The following PALM2AKAP2 variants were observed in gnomAD, a reference collection of about 807,000 sequenced individuals.
PALM2AKAP2 encodes PALM2 and AKAP2 fusion, also known as PALM2-AKAP2 fusion protein.
In PALM2AKAP2, 37 loss-of-function variants were observed where a neutral mutation model predicts 71.5. The ratio of observed to expected loss-of-function variants is 0.52; its 90% confidence interval spans 0.40 to 0.68. PALM2AKAP2 has a LOEUF of 0.68. Ranked by LOEUF, PALM2AKAP2 falls within the 30% of genes least tolerant of loss-of-function variation. The pLI is 0.00. For missense variants in PALM2AKAP2, 1,224 were observed against 1,191.8 expected (o/e 1.03, Z -0.40); for synonymous variants, 468 against 478.8 (o/e 0.98, Z 0.29).
chr9:110,066,440 T>TA (rs1834080807), intron 1 of PALM2AKAP2, among the ~76,000 whole-genome samples: 1 of 152,202 alleles, frequency 6.6e-6, no homozygotes, highest in Admixed American at 6.5e-5. Context: ...TTCATGCCTG[T>TA]AATCCCAGCA....
upstream of PALM2AKAP2, chr9:109,780,390 T>C (rs942124945): frequency 1.2e-6 from 2 of 1,605,552 alleles, no homozygotes; most frequent in Non-Finnish European, 1.7e-6. Context: ...TTCTCCCGGG[T>C]TCTAGCAAAG....
intron 1 of PALM2AKAP2, among the ~76,000 whole-genome samples, chr9:109,718,475 T>G (rs1828361262): frequency 6.6e-6 from 1 of 152,210 alleles, no homozygotes; most frequent in South Asian, 2.1e-4. Context: ...TGCACTAAGT[T>G]GATTTATATT....
At chr9:109,820,865 T>C (rs540861105) in intron 1 of PALM2AKAP2, among the ~76,000 whole-genome samples, 25 of 152,176 alleles carry the variant, frequency 1.6e-4, no homozygotes, top group Non-Finnish European at 2.9e-4. Flanking sequence ...TTCATTACCA[T>C]TTCTGTCCTG....
chr9:109,999,835 T>C (rs1832647465), intron 6 of PALM2AKAP2, among the ~76,000 whole-genome samples: 1 of 152,050 alleles, frequency 6.6e-6, no homozygotes, highest in Admixed American at 6.5e-5. Flanking sequence ...ACACTGGGGC[T>C]GAGCTAAGAC....
chr9:109,794,265 G>T (rs1173467874), intron 1 of PALM2AKAP2, among the ~76,000 whole-genome samples: 1 of 152,024 alleles, frequency 6.6e-6, no homozygotes, highest in Non-Finnish European at 1.5e-5. Flanking sequence ...TGTTGTTGTT[G>T]TTTTTTGAAA....
At chr9:109,799,785 G>A (rs1012376072) in intron 1 of PALM2AKAP2, among the ~76,000 whole-genome samples, 1 of 152,108 alleles carries the variant, frequency 6.6e-6, no homozygotes. Flanking sequence ...ATGAACCACC[G>A]CGTCGGCCAC....
intron 1 of PALM2AKAP2, among the ~76,000 whole-genome samples, chr9:109,705,902 C>G (rs60542235): frequency 6.6e-6 from 1 of 152,190 alleles, no homozygotes; most frequent in African/African-American, 2.4e-5. Context: ...ACTGAATCCA[C>G]TATTAAGAAC....
chr9:109,937,834 A>G (rs1233805505), intron 6 of PALM2AKAP2, among the ~76,000 whole-genome samples: 1 of 152,108 alleles, frequency 6.6e-6, no homozygotes, highest in Non-Finnish European at 1.5e-5. Context: ...GATTTCTTTC[A>G]GGGCTCCCCA....
At chr9:109,873,375 G>A (rs966589832) in intron 2 of PALM2AKAP2, among the ~76,000 whole-genome samples, 4 of 151,906 alleles carry the variant, frequency 2.6e-5, no homozygotes, top group South Asian at 2.1e-4. Context: ...GGTGGAGGTC[G>A]CAGTGAGCCA....
intron 1 of PALM2AKAP2, chr9:110,127,638 G>A (rs1312886508): frequency 1.3e-5 from 2 of 152,232 alleles, no homozygotes; most frequent in African/African-American, 4.8e-5. Flanking sequence ...TGCTGTCAGT[G>A]CCTTCAGGGG....
rs117079226 is a variant in PALM2AKAP2 at position 109,704,483 on chromosome 9, G to A, written c.5+63617G>A. Reference sequence around the variant, plus strand: ...AGTCCTTGGTCCTTCATTGTAGGGAGAAAAAGTTTTAGAGGGAGGATACTG... The same window carrying A: ...AGTCCTTGGTCCTTCATTGTAGGGAAAAAAAGTTTTAGAGGGAGGATACTG... On this transcript the variant is annotated intron_variant, in intron 1 of 6. Coordinates refer to the PALM2AKAP2 transcript ENST00000374531. Among the ~76,000 whole-genome samples, 1,044 of 152,310 alleles carry A rather than the reference G, an allele frequency of 6.9e-3. 7 individuals are homozygous for A. Among genetic ancestry groups the A allele is most frequent in the Non-Finnish European group, 0.011 (770 of 68,020 alleles).
intron 6 of PALM2AKAP2, among the ~76,000 whole-genome samples, chr9:109,989,668 T>C (rs1478224867): frequency 2.0e-5 from 3 of 152,208 alleles, no homozygotes; most frequent in Non-Finnish European, 4.4e-5. Flanking sequence ...GGTAACATGG[T>C]GAAGGATAGA....
At chr9:109,887,422 CA>C (rs1293695663) in intron 3 of PALM2AKAP2, among the ~76,000 whole-genome samples, 5 of 152,198 alleles carry the variant, frequency 3.3e-5, no homozygotes, top group Non-Finnish European at 5.9e-5. Flanking sequence ...GCCACATTTG[CA>C]GCCCAATTAT....
intron 2 of PALM2AKAP2, among the ~76,000 whole-genome samples, chr9:109,878,238 T>C (rs1367345700): frequency 6.6e-6 from 1 of 152,200 alleles, no homozygotes; most frequent in Non-Finnish European, 1.5e-5. Flanking sequence ...GTAAAAACTG[T>C]ACATTTTAAT....
At chr9:109,776,129 A>AG (rs1357687051), upstream of PALM2AKAP2, among the ~76,000 whole-genome samples, 1 of 152,262 alleles carries the variant, frequency 6.6e-6, no homozygotes, top group African/African-American at 2.4e-5. Context: ...TCTTAATACC[A>AG]GGCCATGGCC....
rs35634219 is a variant in PALM2AKAP2, at chr9:109,843,301, CAAAAAAAAAAAAAAA to C, written c.46-24181_46-24167del. Reference sequence around the variant, plus strand: ...TGGGCCACAGAGTGAGCCCCTGTCTCAAAAAAAAAAAAAAAAAAAAAAAGAAGAAGACTTTTTGAA... The same window carrying C: ...TGGGCCACAGAGTGAGCCCCTGTCTCAAAAAAAAGAAGAAGACTTTTTGAA... On this transcript the variant is annotated intron_variant, in intron 1 of 9. Coordinates refer to the PALM2AKAP2 transcript ENST00000302798. Among the ~76,000 whole-genome samples, 7 of 66,960 alleles carry C rather than the reference CAAAAAAAAAAAAAAA, an allele frequency of 1.0e-4. No homozygotes were observed. In the Admixed American group the frequency reaches 1.3e-3, roughly 13 times the overall value. The allele number at this position is 66,960 out of a possible 152,430, so 43.9% of individuals were successfully genotyped here.
Position 109,667,937 on chromosome 9 carries a change from T to G in PALM2AKAP2, c.5+27071T>G, listed in dbSNP as rs1238947161. Among the ~76,000 whole-genome samples the G allele has an allele frequency of 1.0e-4, 4 of 39,726 alleles. 2 individuals carry two copies. The highest frequency in any genetic ancestry group is 8.7e-4 in the East Asian group (2 of 2,292). The allele number at this position is 39,726 out of a possible 152,430, so 26.1% of individuals were successfully genotyped here. A position where few individuals can be genotyped will look rare whatever the true frequency, so the allele number is the denominator to read the frequency against. On this transcript the variant is annotated intron_variant, in intron 1 of 6. Transcript: ENST00000374531. ...GAAAATGATGGCTTTGGTTTTTTTT[T>G]TTTTTTTTTTTTTTTTTGAGACGGA... is the stretch of plus-strand genomic sequence containing the variant.
intron 6 of PALM2AKAP2, among the ~76,000 whole-genome samples, chr9:109,958,841 C>T (rs1254181506): frequency 6.6e-6 from 1 of 152,160 alleles, no homozygotes; most frequent in African/African-American, 2.4e-5. Flanking sequence ...AGTAAGCCAC[C>T]CGTCACTGCC....
chr9:109,714,951 C>A (rs145957918), intron 1 of PALM2AKAP2, among the ~76,000 whole-genome samples: 2 of 152,286 alleles, frequency 1.3e-5, no homozygotes, highest in Non-Finnish European at 2.9e-5. Context: ...TAGCTTCTCC[C>A]CAACTTCCTC....
Sources: gnomAD v4.1 joint callset for allele counts (sites outside exome capture counted in the v4.1 genomes callset) on GRCh38, gnomAD v4.1.1 for gene constraint, MANE v1.5 for transcripts, NCBI Gene and HGNC (gene_info 2026-07-23, HGNC 2026-07-21) for gene names.